AGPAT4: variants seen among roughly 807,000 people sequenced by gnomAD.
AGPAT4 encodes the protein 1-acyl-sn-glycerol-3-phosphate acyltransferase delta.
Under a neutral mutation model 48.0 loss-of-function variants are expected in AGPAT4, and 15 were observed. The ratio of observed to expected loss-of-function variants is 0.31; its 90% CI spans 0.21 to 0.48. The LOEUF is 0.48. AGPAT4 is among the 20% of genes least tolerant of loss of function. The probability of loss-of-function intolerance (pLI) is 0.99; values close to 1 mark genes in which losing one functional copy is unlikely to be tolerated. For synonymous variants in AGPAT4, 178 were observed against 198.7 expected (o/e 0.90, Z 0.88); for missense variants, 314 against 482.5 (o/e 0.65, Z 3.27).
chr6:161,204,525 C>T lies in AGPAT4; in HGVS notation c.178+27511G>A. On this transcript the variant is annotated intron_variant, in intron 2 of 8. Coordinates refer to ENST00000320285, the MANE Select transcript of AGPAT4 (RefSeq NM_020133.3). This position sits in a 1 kb window ranked among gnomAD's most constrained non-coding sequence, Gnocchi z 4.4. ...TTCTCCCTTTCCAGCTATATTTATC[C>T]TTCAGCTGAAGACAATTATCTAGAA... is the stretch of plus-strand genomic sequence containing the variant. Among the ~76,000 whole-genome samples, 1 of 152,086 alleles carries T rather than the reference C, an allele frequency of 6.6e-6. No homozygotes were observed. Among genetic ancestry groups the T allele is most frequent in the East Asian group, 1.9e-4 (1 of 5,184 alleles).
chr6:161,194,997 G>T (rs1781033882), intron 2 of AGPAT4, among the ~76,000 whole-genome samples: 1 of 152,082 alleles, frequency 6.6e-6, no homozygotes, highest in South Asian at 2.1e-4. Context: ...CACCTTACTT[G>T]CCCCGGGAGA....
chr6:161,180,081 T>C lies in AGPAT4; in HGVS notation c.179-13664A>G, dbSNP rs1453425588. ...CTTATTCTCAGCTCCTACTCCTCTC[T>C]AAGTAGTCAGTCACAAGACCTGGCT... On this transcript the variant is annotated intron_variant, in intron 2 of 8. Coordinates refer to ENST00000320285, the MANE Select transcript of AGPAT4 (RefSeq NM_020133.3). The surrounding 1 kb of genome is among the most constrained non-coding windows in gnomAD (Gnocchi z 6.4). Among the ~76,000 whole-genome samples, 2 of 152,204 alleles carry C rather than the reference T, an allele frequency of 1.3e-5. No homozygotes were observed. Among genetic ancestry groups the C allele is most frequent in the Non-Finnish European group, 2.9e-5 (2 of 68,036 alleles).
In AGPAT4 at chr6:161,231,893, T is replaced by C; in HGVS notation, c.178+143A>G. 2.6e-6 allele frequency: 2 copies of C among 781,582 alleles called. No homozygotes were observed. The highest frequency in any genetic ancestry group is 3.1e-5 in the Admixed American group (1 of 31,982). 48.4% of individuals were successfully genotyped at this position (781,582 alleles called of 1,614,324 possible). A position where few individuals can be genotyped will look rare whatever the true frequency, so the allele number is the denominator to read the frequency against. On this transcript the variant is annotated intron_variant, in intron 2 of 8. Transcript: ENST00000320285. This position sits in a 1 kb window ranked among gnomAD's most constrained non-coding sequence, Gnocchi z 5.3. ...TAATTTTGGGGGATTGAGAACAAAA[T>C]AGCCATTTCAAACCTAAAACAAAAA...
intron 4 of AGPAT4, among the ~76,000 whole-genome samples, chr6:161,153,788 AGGTCACACATAGCCCTGG>A (rs1562315012): frequency 1.8e-5 from 2 of 109,632 alleles, no homozygotes; most frequent in South Asian, 2.9e-4. Context: ...TACAGCCCTG[AGGTCACACATAGCCCTGG>A]GGTCACACAC....
rs768392057 is a variant in AGPAT4 at position 161,220,941 on chromosome 6, A to T, written c.178+11095T>A. Reference sequence around the variant, plus strand: ...TGGGATTACAGGCGCGTGCCACCACACCTGGCTAATTTTTTTTATTTTTAG... The same window carrying T: ...TGGGATTACAGGCGCGTGCCACCACTCCTGGCTAATTTTTTTTATTTTTAG... On this transcript the variant is annotated intron_variant, in intron 2 of 8. Transcript: ENST00000320285. The surrounding 1 kb of genome is among the most constrained non-coding windows in gnomAD (Gnocchi z 6.0). Among the ~76,000 whole-genome samples the T allele has an allele frequency of 5.3e-5, 8 of 151,780 alleles. No individual in the cohort carries two copies. Among genetic ancestry groups the T allele is most frequent in the Admixed American group, 1.3e-4 (2 of 15,256 alleles).
chr6:161,193,564 G>A (rs1158103924), intron 2 of AGPAT4, among the ~76,000 whole-genome samples: 3 of 152,172 alleles, frequency 2.0e-5, no homozygotes, highest in East Asian at 1.9e-4. Context: ...ACAAACTTCC[G>A]AGTTGGCCAC....
Position 161,218,704 on chromosome 6 carries a change from A to G in AGPAT4, c.178+13332T>C, listed in dbSNP as rs895260603. 2.0e-5 allele frequency among the ~76,000 whole-genome samples: 3 copies of G among 152,194 alleles called. No homozygotes were observed. Among genetic ancestry groups the G allele is most frequent in the African/African-American group, 7.2e-5 (3 of 41,452 alleles). ...GGAAGCTATAAAGGGAGCCATAAGG[A>G]TGCTAGAAAATAACTGCTGTCCTCA... On this transcript the variant is annotated intron_variant, in intron 2 of 8. Coordinates refer to ENST00000320285, the MANE Select transcript of AGPAT4 (RefSeq NM_020133.3). The surrounding 1 kb of genome is among the most constrained non-coding windows in gnomAD (Gnocchi z 4.7).
chr6:161,267,452 A>G lies in AGPAT4; in HGVS notation c.-90+6486T>C, dbSNP rs1040426932. 9.9e-5 allele frequency among the ~76,000 whole-genome samples: 15 copies of G among 152,148 alleles called. No homozygotes were observed. The highest frequency in any genetic ancestry group is 4.4e-5 in the Non-Finnish European group (3 of 68,032). On this transcript the variant is annotated intron_variant, in intron 1 of 8. Coordinates refer to ENST00000320285, the MANE Select transcript of AGPAT4 (RefSeq NM_020133.3). This position sits in a 1 kb window ranked among gnomAD's most constrained non-coding sequence, Gnocchi z 5.2. ...CTGGGGAACGGGCGCAGTGGCTCAC[A>G]TCTGTAATCCTAGCACTTTGGGAGG...
chr6:161,228,160 C>T (rs952752008), intron 2 of AGPAT4, among the ~76,000 whole-genome samples: 4 of 152,302 alleles, frequency 2.6e-5, no homozygotes, highest in East Asian at 1.9e-4. Context: ...CACTTTCAGA[C>T]GGAGTATCTC....
At position 161,217,633 on chromosome 6, in the gene AGPAT4, T is replaced by A. The variant is rs1236285570; in HGVS notation, c.178+14403A>T. On this transcript the variant is annotated intron_variant, in intron 2 of 8. Coordinates refer to ENST00000320285, the MANE Select transcript of AGPAT4 (RefSeq NM_020133.3). The surrounding 1 kb of genome is among the most constrained non-coding windows in gnomAD (Gnocchi z 4.9). ...TCTGTTCCTTTCCATTTAAAGAAAT[T>A]GGCTACTGGTGTAGAAATTGTACAT... 6.6e-6 allele frequency among the ~76,000 whole-genome samples: 1 copy of A among 152,222 alleles called. No homozygotes were observed. Among genetic ancestry groups the A allele is most frequent in the African/African-American group, 2.4e-5 (1 of 41,468 alleles).
rs1781210420 is a variant in AGPAT4 at position 161,200,484 on chromosome 6, T to G, written c.178+31552A>C. Among the ~76,000 whole-genome samples, 1 of 152,192 alleles carries G rather than the reference T, an allele frequency of 6.6e-6. No individual in the cohort carries two copies. The highest frequency in any genetic ancestry group is 1.5e-5 in the Non-Finnish European group (1 of 68,026). On this transcript the variant is annotated intron_variant, in intron 2 of 8. Transcript: ENST00000320285. The surrounding 1 kb of genome is among the most constrained non-coding windows in gnomAD (Gnocchi z 5.5). ...AGAAGGCCTGCACTCTCTGGCTTCT[T>G]CCATTTCCACCCAGTATCTAATCAT... is the stretch of plus-strand genomic sequence containing the variant.
Position 161,139,617 on chromosome 6 carries a change from C to T in AGPAT4, c.847G>A (p.Ala283Thr), listed in dbSNP as rs1269454166. Residue 283 changes from alanine to threonine, a missense_variant, in exon 8 of 9, where the codon GCC (alanine) becomes ACC (threonine). Physicochemically the swap from Ala to Thr is moderately conservative, Grantham distance 58. Transcript: ENST00000320285. This position sits in a 1 kb window ranked among gnomAD's most constrained non-coding sequence, Gnocchi z 9.1. ...WLHKLYQEKDAFQEEYYRTGT... is the reference protein window; with the variant it reads ...WLHKLYQEKDTFQEEYYRTGT... ...GTCCTGTAGTACTCCTCCTGAAAGG[C>T]ATCCTGGGGGACAGGAAAGAGGACC... 1 of 1,599,170 alleles carries T rather than the reference C, an allele frequency of 6.3e-7. No homozygotes were observed. Among genetic ancestry groups the T allele is most frequent in the Admixed American group, 1.7e-5 (1 of 59,208 alleles).
chr6:161,228,573 GCCT>G (rs77214995), intron 2 of AGPAT4, among the ~76,000 whole-genome samples: 2 of 106,708 alleles, frequency 1.9e-5, no homozygotes, highest in Non-Finnish European at 3.6e-5. Flanking sequence ...CCCACCCCCT[GCCT>G]TTTTTTTTTT....
At chr6:161,224,125 T>A (rs530137951) in intron 2 of AGPAT4, among the ~76,000 whole-genome samples, 1 of 152,312 alleles carries the variant, frequency 6.6e-6, no homozygotes, top group East Asian at 1.9e-4. Flanking sequence ...TCTGCTACAT[T>A]CCATTTGGCA....
intron 2 of AGPAT4, among the ~76,000 whole-genome samples, chr6:161,172,916 A>G (rs909659764): frequency 2.0e-5 from 3 of 151,754 alleles, no homozygotes; most frequent in African/African-American, 4.8e-5. Flanking sequence ...TCCTTGCAAT[A>G]GTTTGCTCAG....
rs1053936497 is a variant in AGPAT4, at chr6:161,141,343, C to T, written c.844-1723G>A. ...CATCAAGCAACTGAAGAACAATCAA[C>T]GTGTGTGCCAAGCACTCCTACCCTC... On this transcript the variant is annotated intron_variant, in intron 7 of 8. Transcript: ENST00000320285. The surrounding 1 kb of genome is among the most constrained non-coding windows in gnomAD (Gnocchi z 6.7). 2.0e-5 allele frequency among the ~76,000 whole-genome samples: 3 copies of T among 152,212 alleles called. No individual in the cohort carries two copies. The highest frequency in any genetic ancestry group is 3.4e-3 in the Middle Eastern group (1 of 294).
At chr6:161,187,670 A>T (rs540685712) in intron 2 of AGPAT4, among the ~76,000 whole-genome samples, 4 of 152,074 alleles carry the variant, frequency 2.6e-5, no homozygotes, top group African/African-American at 9.6e-5. Flanking sequence ...CCTCCCAAGT[A>T]GCTGGGATTA....
At chr6:161,181,511 G>A (rs1431870274) in intron 2 of AGPAT4, among the ~76,000 whole-genome samples, 1 of 123,470 alleles carries the variant, frequency 8.1e-6, no homozygotes, top group Non-Finnish European at 1.9e-5. Flanking sequence ...AGCAGGGGGC[G>A]GGGGGCGCTT....
In AGPAT4 at chr6:161,234,039, G is replaced by A. The variant is rs1191385429; in HGVS notation, c.-89-1737C>T. Among the ~76,000 whole-genome samples, 1 of 152,162 alleles carries A rather than the reference G, an allele frequency of 6.6e-6. No individual in the cohort carries two copies. Among genetic ancestry groups the A allele is most frequent in the Non-Finnish European group, 1.5e-5 (1 of 68,036 alleles). On this transcript the variant is annotated intron_variant, in intron 1 of 8. Coordinates refer to ENST00000320285, the MANE Select transcript of AGPAT4 (RefSeq NM_020133.3). This position sits in a 1 kb window ranked among gnomAD's most constrained non-coding sequence, Gnocchi z 4.4. ...GCTCTTTCTCCTGCACGTGTCAGGGGTGTTCTGCTCCTGAGATGTGAGGCG... is the reference window on the plus strand; with the variant it reads ...GCTCTTTCTCCTGCACGTGTCAGGGATGTTCTGCTCCTGAGATGTGAGGCG...
Sources: allele counts gnomAD v4.1 joint callset (sites outside exome capture counted in the v4.1 genomes callset), GRCh38; gene constraint gnomAD v4.1.1; non-coding constraint Gnocchi (gnomAD v3.1); transcripts MANE v1.5; gene names NCBI Gene and HGNC (gene_info 2026-07-23, HGNC 2026-07-21).